The following SENP6 variants were observed in gnomAD, a reference collection of about 807,000 sequenced individuals.
SENP6 encodes the protein sentrin-specific protease 6.
A neutral mutation model predicts 134.5 loss-of-function variants in SENP6; 41 were observed. That is an observed-to-expected ratio of 0.30 (90% CI 0.24 to 0.40). The LOEUF (loss-of-function observed/expected upper bound fraction) is 0.40. Ranked by LOEUF, SENP6 falls within the 10% of genes least tolerant of loss-of-function variation. The pLI is 1.00. For synonymous variants in SENP6, 395 were observed against 429.8 expected (o/e 0.92, Z 1.00); for missense variants, 1,248 against 1,312.5 (o/e 0.95, Z 0.76).
At chr6:75,685,956 C>T (rs1176284308) in intron 16 of SENP6, among the ~76,000 whole-genome samples, 1 of 152,088 alleles carries the variant, frequency 6.6e-6, no homozygotes, top group Non-Finnish European at 1.5e-5. Context: ...TCCTTCTTCA[C>T]TTTCTGTCTC....
chr6:75,661,605 T>G (rs1771779015), intron 8 of SENP6, among the ~76,000 whole-genome samples: 1 of 152,222 alleles, frequency 6.6e-6, no homozygotes, highest in African/African-American at 2.4e-5. Flanking sequence ...TTTACTCTAT[T>G]CCTATGCCAA....
At chr6:75,664,171 G>A (rs1772008552) in intron 9 of SENP6, among the ~76,000 whole-genome samples, 1 of 151,890 alleles carries the variant, frequency 6.6e-6, no homozygotes, top group Non-Finnish European at 1.5e-5. Flanking sequence ...GCACAGTGGT[G>A]TCCCAACTAC....
intron 16 of SENP6, among the ~76,000 whole-genome samples, chr6:75,688,214 A>G (rs1381740202): frequency 6.6e-6 from 1 of 152,216 alleles, no homozygotes; most frequent in Non-Finnish European, 1.5e-5. Flanking sequence ...GGCACGGGAG[A>G]GAATCACCTT....
At chr6:75,703,350 AACTT>A (rs1284790666) in intron 19 of SENP6, among the ~76,000 whole-genome samples, 2 of 152,170 alleles carry the variant, frequency 1.3e-5, no homozygotes, top group Non-Finnish European at 2.9e-5. Context: ...ATAGTAACAC[AACTT>A]ACTTTTAATT....
At chr6:75,623,391 T>C (rs1768421171) in intron 2 of SENP6, among the ~76,000 whole-genome samples, 1 of 152,148 alleles carries the variant, frequency 6.6e-6, no homozygotes, top group Admixed American at 6.5e-5. Flanking sequence ...GATTTCTCAA[T>C]GAAGGGTTGA....
intron 8 of SENP6, among the ~76,000 whole-genome samples, chr6:75,662,265 A>G (rs189784414): frequency 6.6e-6 from 1 of 152,198 alleles, no homozygotes; most frequent in East Asian, 1.9e-4. Flanking sequence ...TGACCAAAGC[A>G]GGGAATGAGA....
chr6:75,673,310 C>T (rs1772826517), intron 11 of SENP6, among the ~76,000 whole-genome samples: 1 of 144,874 alleles, frequency 6.9e-6, no homozygotes, highest in African/African-American at 2.5e-5. Flanking sequence ...TGAAATAGAC[C>T]AATGTCTACT....
intron 5 of SENP6, among the ~76,000 whole-genome samples, chr6:75,638,824 A>C (rs1039966969): frequency 1.5e-4 from 22 of 151,270 alleles, no homozygotes; most frequent in African/African-American, 5.4e-4. Context: ...TTGGGAGGGC[A>C]AAATAGGAGG....
intron 13 of SENP6, 101 bp downstream of exon 13, chr6:75,676,155 G>A (rs2149878100): frequency 1.5e-6 from 1 of 669,220 alleles, no homozygotes; most frequent in Non-Finnish European, 2.3e-6. Context: ...GATGCCTTAG[G>A]TGTATATTAT....
intron 6 of SENP6, among the ~76,000 whole-genome samples, chr6:75,644,471 C>CTT (rs1445666222): frequency 1.5e-4 from 16 of 108,802 alleles, no homozygotes; most frequent in African/African-American, 4.7e-4. Flanking sequence ...AAATTTCTTT[C>CTT]TTTCTTTTTT....
intron 16 of SENP6, among the ~76,000 whole-genome samples, chr6:75,691,913 A>G (rs374768767): frequency 1.2e-4 from 18 of 150,644 alleles, no homozygotes; most frequent in South Asian, 4.2e-4. Context: ...CTGGAGTGCA[A>G]TGGCACAATC....
chr6:75,678,551 C>T, intron 14 of SENP6, 32 bp from the exon 15 acceptor site: 2 of 1,027,900 alleles, frequency 1.9e-6, no homozygotes, highest in Non-Finnish European at 3.0e-6. Flanking sequence ...TCCTAATTGA[C>T]TGTAAATTGC....
intron 9 of SENP6, among the ~76,000 whole-genome samples, chr6:75,665,659 T>C (rs1037930454): frequency 2.0e-5 from 3 of 152,210 alleles, no homozygotes; most frequent in African/African-American, 4.8e-5. Flanking sequence ...ACAAGACTTA[T>C]TGAACATAAG....
intron 16 of SENP6, among the ~76,000 whole-genome samples, chr6:75,684,238 C>T (rs1773670421): frequency 6.6e-6 from 1 of 152,104 alleles, no homozygotes; most frequent in South Asian, 2.1e-4. Flanking sequence ...GATTTTTGCA[C>T]ATTGATTTTG....
chr6:75,615,370 G>A (rs143942232), intron 1 of SENP6, among the ~76,000 whole-genome samples: 637 of 151,944 alleles, frequency 4.2e-3, no homozygotes, highest in Non-Finnish European at 6.3e-3. Context: ...AGTAGAGACG[G>A]GGTTTCGCAG....
At chr6:75,649,137 C>T (rs2842539) in intron 7 of SENP6, among the ~76,000 whole-genome samples, 47,395 of 151,364 alleles carry the variant, frequency 0.31, 8,734 homozygotes, top group Admixed American at 0.48. Context: ...AAAACCCCAT[C>T]GCTACTGGAA....
intron 11 of SENP6, among the ~76,000 whole-genome samples, chr6:75,673,705 C>T (rs1224782032): frequency 1.3e-5 from 2 of 151,980 alleles, no homozygotes; most frequent in Non-Finnish European, 2.9e-5. Flanking sequence ...TCCTTCAATT[C>T]CTTTATCTTA....
intron 1 of SENP6, among the ~76,000 whole-genome samples, chr6:75,609,139 C>CTG (rs1767252695): frequency 6.6e-6 from 1 of 152,152 alleles, no homozygotes; most frequent in East Asian, 1.9e-4. Context: ...GGAAGTCAGA[C>CTG]TGTAGCCTGG....
intron 16 of SENP6, among the ~76,000 whole-genome samples, chr6:75,692,362 A>G (rs895871283): frequency 6.6e-6 from 1 of 152,142 alleles, no homozygotes; most frequent in Admixed American, 6.5e-5. Flanking sequence ...ACTCACACCT[A>G]TAATCCCAGT....
Sources: allele counts gnomAD v4.1 joint callset (sites outside exome capture counted in the v4.1 genomes callset), GRCh38; gene constraint gnomAD v4.1.1; transcripts MANE v1.5; gene names NCBI Gene and HGNC (gene_info 2026-07-23, HGNC 2026-07-21).